The following C2orf76 variants were observed in gnomAD, a reference collection of about 807,000 sequenced individuals.
The protein encoded by C2orf76 is UPF0538 protein C2orf76.
In C2orf76, 23 loss-of-function variants were observed where a neutral mutation model predicts 16.9. That is an observed-to-expected ratio of 1.36 (90% CI 0.98 to 1.93). The LOEUF is 1.93. C2orf76 is among the 30% of genes most tolerant of loss of function. The pLI, the probability that C2orf76 is intolerant of heterozygous loss-of-function variation, is 0.00. For synonymous variants in C2orf76, 48 were observed against 52.3 expected (o/e 0.92, Z 0.35); for missense variants, 152 against 152.6 (o/e 1.00, Z 0.02).
At chr2:119,295,033 A>T in the C2orf76 span, among the ~76,000 whole-genome samples, 1 of 152,180 alleles carries the variant, frequency 6.6e-6, no homozygotes, top group Non-Finnish European at 1.5e-5. Context: ...AGGAGACAGC[A>T]GTCAGAGAAC....
the C2orf76 span, among the ~76,000 whole-genome samples, chr2:119,287,451 A>T: frequency 6.6e-6 from 1 of 151,576 alleles, no homozygotes; most frequent in Non-Finnish European, 1.5e-5. Flanking sequence ...CCACAACCCC[A>T]CCACAAGGGC....
At chr2:119,322,462 C>A (rs1457350303) in intron 2 of C2orf76, among the ~76,000 whole-genome samples, 3 of 152,148 alleles carry the variant, frequency 2.0e-5, no homozygotes, top group Non-Finnish European at 4.4e-5. Flanking sequence ...CCCACCTTGG[C>A]CTCCCAAAGT....
chr2:119,366,724 G>C, intron 1 of C2orf76, 66 bp downstream of exon 1: 1 of 518,478 alleles, frequency 1.9e-6, no homozygotes, highest in Non-Finnish European at 3.5e-6. Flanking sequence ...AACGGGCCAG[G>C]ACTGAACCCA....
Position 119,363,379 on chromosome 2 carries a change from G to T in C2orf76, c.-13+3411C>A, listed in dbSNP as rs184553785. Among the ~76,000 whole-genome samples, 7 of 148,098 alleles carry T rather than the reference G, an allele frequency of 4.7e-5. No individual in the cohort carries two copies. The South Asian group carries it at 1.5e-3, about 32-fold the overall frequency. On this transcript the variant is annotated intron_variant, in intron 1 of 5. Coordinates refer to ENST00000334816, the MANE Select transcript of C2orf76 (RefSeq NM_001322331.2). ...GCGGAGCTTGCAGTGAGCCGAGATC[G>T]CACCACTACACTCCAGCCTGGGCGA...
chr2:119,333,981 TG>T (rs1354040709), intron 2 of C2orf76, among the ~76,000 whole-genome samples: 4 of 152,040 alleles, frequency 2.6e-5, no homozygotes, highest in Non-Finnish European at 5.9e-5. Flanking sequence ...TTTGTACAGA[TG>T]GGGTCATACT....
intron 2 of C2orf76, among the ~76,000 whole-genome samples, chr2:119,336,692 T>C (rs1292443323): frequency 6.6e-6 from 1 of 151,844 alleles, no homozygotes. Flanking sequence ...AAAATTTAAT[T>C]TAAAAAGAAA....
the C2orf76 span, among the ~76,000 whole-genome samples, chr2:119,286,321 C>T: frequency 4.0e-5 from 6 of 151,396 alleles, no homozygotes; most frequent in African/African-American, 1.5e-4. Context: ...AGAGCAGGGA[C>T]CAGTCTCCTG....
At chr2:119,324,731 C>T (rs1679454175) in intron 2 of C2orf76, among the ~76,000 whole-genome samples, 1 of 152,182 alleles carries the variant, frequency 6.6e-6, no homozygotes, top group South Asian at 2.1e-4. Context: ...CTCGACTCCC[C>T]TCCTGCAGCA....
the C2orf76 span, among the ~76,000 whole-genome samples, chr2:119,289,541 C>T: frequency 6.6e-6 from 1 of 151,984 alleles, no homozygotes. Flanking sequence ...CAAAAATTAG[C>T]TGGGCGTGGT....
intron 5 of C2orf76, among the ~76,000 whole-genome samples, chr2:119,305,933 AAAC>A (rs796687139): frequency 1.9e-5 from 2 of 103,500 alleles, no homozygotes; most frequent in African/African-American, 3.4e-5. Context: ...CCAAAAAAAA[AAAC>A]AACAACAAAA....
intron 1 of C2orf76, among the ~76,000 whole-genome samples, chr2:119,364,311 C>T (rs1394525358): frequency 6.6e-6 from 1 of 152,158 alleles, no homozygotes; most frequent in East Asian, 1.9e-4. Flanking sequence ...TATTGATTGG[C>T]AGGGTCAATT....
At chr2:119,352,444 TA>T in intron 1 of C2orf76, among the ~76,000 whole-genome samples, 1 of 152,218 alleles carries the variant, frequency 6.6e-6, no homozygotes, top group East Asian at 1.9e-4. Flanking sequence ...AGCTGCAACC[TA>T]ACCTGCAAGT....
chr2:119,335,171 G>T (rs183573328), intron 2 of C2orf76, among the ~76,000 whole-genome samples: 1 of 152,100 alleles, frequency 6.6e-6, no homozygotes, highest in Non-Finnish European at 1.5e-5. Context: ...ATGTACATAC[G>T]CACAGGTTAA....
chr2:119,351,759 CA>C (rs111629177), intron 1 of C2orf76, among the ~76,000 whole-genome samples: 90 of 141,058 alleles, frequency 6.4e-4, no homozygotes, highest in East Asian at 2.1e-3. Context: ...GATCCTGTCT[CA>C]AAAAAAAAAA....
At chr2:119,290,905 T>C in the C2orf76 span, among the ~76,000 whole-genome samples, 2 of 152,132 alleles carry the variant, frequency 1.3e-5, no homozygotes, top group Non-Finnish European at 2.9e-5. Context: ...TAGTACAACA[T>C]GCCACCCCAT....
intron 1 of C2orf76, among the ~76,000 whole-genome samples, chr2:119,363,538 C>T (rs1680821498): frequency 6.6e-6 from 1 of 152,088 alleles, no homozygotes; most frequent in African/African-American, 2.4e-5. Context: ...TGTAATCCAT[C>T]ATTTGTGGAT....
At chr2:119,343,523 C>T (rs1021677624) in intron 1 of C2orf76, among the ~76,000 whole-genome samples, 4 of 151,254 alleles carry the variant, frequency 2.6e-5, no homozygotes, top group African/African-American at 9.8e-5. Context: ...CACTGGGAAG[C>T]GCTGGAATGC....
At chr2:119,294,392 G>A in the C2orf76 span, among the ~76,000 whole-genome samples, 3 of 152,188 alleles carry the variant, frequency 2.0e-5, no homozygotes, top group Admixed American at 6.5e-5. Context: ...ATTTGGCTGT[G>A]AAGGGAAGAT....
chr2:119,359,379 C>G (rs1680671997), intron 1 of C2orf76, among the ~76,000 whole-genome samples: 1 of 152,156 alleles, frequency 6.6e-6, no homozygotes, highest in Non-Finnish European at 1.5e-5. Context: ...GATCAAGAAG[C>G]AATTTCAACT....
Sources: allele counts gnomAD v4.1 joint callset (sites outside exome capture counted in the v4.1 genomes callset), GRCh38; gene constraint gnomAD v4.1.1; transcripts MANE v1.5; gene names NCBI Gene and HGNC (gene_info 2026-07-23, HGNC 2026-07-21).